The following TMEM38A variants were observed in gnomAD, a reference collection of about 807,000 sequenced individuals.
The protein encoded by TMEM38A is transmembrane protein 38A.
TMEM38A carries 17 observed loss-of-function variants against 28.6 expected under a neutral mutation model. The ratio of observed to expected loss-of-function variants is 0.60; its 90% CI spans 0.41 to 0.89. TMEM38A has a LOEUF of 0.89. Among genes scored for constraint, TMEM38A ranks in the 40% least tolerant of loss-of-function variants. The pLI is 0.00. For synonymous variants in TMEM38A, 169 were observed against 166.1 expected (o/e 1.02, Z -0.14); for missense variants, 328 against 393.1 (o/e 0.83, Z 1.40).
At position 16,663,489 on chromosome 19, in the gene TMEM38A, C is replaced by G. The variant is rs1292511243; in HGVS notation, c.124+2148C>G. On this transcript the variant is annotated intron_variant, in intron 1 of 5. Transcript: ENST00000187762. The stretch of plus-strand genomic sequence containing the variant: ...GCTGAGAAGTGGTTCCAAACCCTGG[C>G]TATTCATGAATTCATGAGACGCTCC... Among the ~76,000 whole-genome samples the G allele has an allele frequency of 1.4e-4, 21 of 151,816 alleles. No homozygotes were observed. In the South Asian group the frequency reaches 2.7e-3, roughly 20 times the overall value.
chr19:16,676,251 G>A (rs1348585255), intron 1 of TMEM38A, among the ~76,000 whole-genome samples: 3 of 133,526 alleles, frequency 2.2e-5, no homozygotes, highest in African/African-American at 7.9e-5. Context: ...AGCTACTAGG[G>A]AGGCTGAGGC....
chr19:16,687,289 A>G (rs1337228168), intron 5 of TMEM38A, among the ~76,000 whole-genome samples: 1 of 151,782 alleles, frequency 6.6e-6, no homozygotes, highest in Non-Finnish European at 1.5e-5. Context: ...CTAAGATCGC[A>G]CCACCGCACT....
At chr19:16,671,112 T>C (rs1278408405) in intron 1 of TMEM38A, among the ~76,000 whole-genome samples, 3 of 150,732 alleles carry the variant, frequency 2.0e-5, no homozygotes, top group Admixed American at 2.0e-4. Flanking sequence ...GTTCATGGCA[T>C]GCGGCAGTTG....
intron 1 of TMEM38A, among the ~76,000 whole-genome samples, chr19:16,674,319 C>T (rs901388420): frequency 3.8e-5 from 5 of 130,036 alleles, no homozygotes; most frequent in African/African-American, 1.5e-4. Flanking sequence ...TAGGAGGAGG[C>T]GGAGATTGCA....
At chr19:16,666,427 T>TA (rs202230894) in intron 1 of TMEM38A, among the ~76,000 whole-genome samples, 51 of 151,812 alleles carry the variant, frequency 3.4e-4, no homozygotes, top group Non-Finnish European at 6.9e-4. Context: ...AATTTAACTT[T>TA]AAAAAAATTT....
At chr19:16,673,173 C>G (rs2086735039) in intron 1 of TMEM38A, among the ~76,000 whole-genome samples, 1 of 152,204 alleles carries the variant, frequency 6.6e-6, no homozygotes, top group South Asian at 2.1e-4. Context: ...CCTCCACCTC[C>G]CGGGTTCAAG....
At chr19:16,678,766 C>CAAAA (rs61142232) in intron 1 of TMEM38A, among the ~76,000 whole-genome samples, 2 of 48,670 alleles carry the variant, frequency 4.1e-5, no homozygotes, top group African/African-American at 6.7e-5. Context: ...ACCCTGTGTC[C>CAAAA]AAAAAAAAAA....
chr19:16,666,287 T>C (rs1383050847), intron 1 of TMEM38A, among the ~76,000 whole-genome samples: 2 of 151,768 alleles, frequency 1.3e-5, no homozygotes, highest in Non-Finnish European at 2.9e-5. Context: ...CCCATTTTTT[T>C]TGTATTTTTA....
chr19:16,688,423 G>A lies in TMEM38A; in HGVS notation c.*52G>A. The A allele has an allele frequency of 7.2e-7, 1 of 1,386,812 alleles. No individual in the cohort carries two copies. The highest frequency in any genetic ancestry group is 9.5e-7 in the Non-Finnish European group (1 of 1,053,276). The allele number at this position is 1,386,812 out of a possible 1,614,324, so 85.9% of individuals were successfully genotyped here. A position where few individuals can be genotyped will look rare whatever the true frequency, so the allele number is the denominator to read the frequency against. The stretch of plus-strand genomic sequence containing the variant: ...AGGACCCGGACCCAGGACCCTCTGA[G>A]CTGGGAGGCTTCCTGCGCTCAGATC... On this transcript the variant is annotated 3_prime_UTR_variant, in exon 6 of 6. Transcript: ENST00000187762.
rs2086682199 is a variant in TMEM38A at position 16,661,805 on chromosome 19, C to T, written c.124+464C>T. On this transcript the variant is annotated intron_variant, in intron 1 of 5. Transcript: ENST00000187762. The surrounding 1 kb of genome is among the most constrained non-coding windows in gnomAD (Gnocchi z 6.5). ...CTGCGCTGGGGGCTGCGGTCAGGTT[C>T]AGCGAAAGTGACACCGGTTCTCCTC... Among the ~76,000 whole-genome samples, 1 of 152,048 alleles carries T rather than the reference C, an allele frequency of 6.6e-6. No individual in the cohort carries two copies. The highest frequency in any genetic ancestry group is 1.5e-5 in the Non-Finnish European group (1 of 68,002).
chr19:16,673,935 A>G lies in TMEM38A; in HGVS notation c.125-6049A>G, dbSNP rs945745054. On this transcript the variant is annotated intron_variant, in intron 1 of 5. Coordinates refer to ENST00000187762, the MANE Select transcript of TMEM38A (RefSeq NM_024074.4). The stretch of plus-strand genomic sequence containing the variant: ...AGATCCTATCTTTACAAAAAAAGAA[A>G]AAAAAAAAAGTATAAAAATTGGCCA... 1.3e-4 allele frequency among the ~76,000 whole-genome samples: 19 copies of G among 151,792 alleles called. 1 individual carries two copies. Among genetic ancestry groups the G allele is most frequent in the African/African-American group, 4.6e-4 (19 of 41,244 alleles).
At chr19:16,665,637 C>A (rs2086699725) in intron 1 of TMEM38A, among the ~76,000 whole-genome samples, 1 of 152,168 alleles carries the variant, frequency 6.6e-6, no homozygotes, top group Non-Finnish European at 1.5e-5. Flanking sequence ...AAGAGAACCC[C>A]AGACTCCCTT....
chr19:16,686,498 T>A, intron 5 of TMEM38A, 93 bp downstream of exon 5: 4 of 1,024,050 alleles, frequency 3.9e-6, no homozygotes, highest in Non-Finnish European at 6.0e-6. Context: ...ACTCCCAGCC[T>A]TATGTGGCTG....
rs931514004 is a variant in TMEM38A, at chr19:16,661,681, G to T, written c.124+340G>T. Among the ~76,000 whole-genome samples, 1 of 152,084 alleles carries T rather than the reference G, an allele frequency of 6.6e-6. No individual in the cohort carries two copies. Among genetic ancestry groups the T allele is most frequent in the Non-Finnish European group, 1.5e-5 (1 of 67,994 alleles). ...CGCCGGCTGTGGCGAGGGTGCAGGT[G>T]GGGGTCGGTGCATCTGTTCTGGCCG... is the stretch of plus-strand genomic sequence containing the variant. On this transcript the variant is annotated intron_variant, in intron 1 of 5. Transcript: ENST00000187762. The surrounding 1 kb of genome is among the most constrained non-coding windows in gnomAD (Gnocchi z 6.5).
chr19:16,688,314 G>A lies in TMEM38A; in HGVS notation c.843G>A (p.Lys281=). The A allele has an allele frequency of 6.2e-7, 1 of 1,609,594 alleles. No homozygotes were observed. ...PGAQHSAMPA[K]SKEELSEGSR... ...CTCAGCATTCGGCCATGCCCGCCAA[G>A]TCCAAGGAGGAGTTGAGCGAGGGCT... The change falls in exon 6 of 6, where the codon AAG becomes AAA. Residue 281 remains lysine, a synonymous_variant. Coordinates refer to ENST00000187762, the MANE Select transcript of TMEM38A (RefSeq NM_024074.4).
intron 1 of TMEM38A, among the ~76,000 whole-genome samples, chr19:16,667,011 G>A (rs1306484832): frequency 2.0e-5 from 3 of 150,612 alleles, no homozygotes; most frequent in African/African-American, 4.9e-5. Flanking sequence ...GCTCACACTT[G>A]TAATCCTAAC....
In TMEM38A at chr19:16,688,338, C is replaced by A; in HGVS notation, c.867C>A (p.Gly289=). ...AGTCCAAGGAGGAGTTGAGCGAGGG[C>A]TCCAGGAAGAAGAAGGCCAAGAAGG... is the stretch of plus-strand genomic sequence containing the variant. ...PAKSKEELSE[G]SRKKKAKKAD is the part of the protein sequence containing the mutation. The change falls in exon 6 of 6, where the codon GGC becomes GGA. Residue 289 remains glycine, a synonymous_variant. Coordinates refer to ENST00000187762, the MANE Select transcript of TMEM38A (RefSeq NM_024074.4). The A allele has an allele frequency of 1.2e-6, 2 of 1,603,072 alleles. No individual in the cohort carries two copies. The highest frequency in any genetic ancestry group is 1.7e-6 in the Non-Finnish European group (2 of 1,175,352).
chr19:16,676,636 T>C (rs2122588632), intron 1 of TMEM38A, among the ~76,000 whole-genome samples: 1 of 151,958 alleles, frequency 6.6e-6, no homozygotes, highest in Non-Finnish European at 1.5e-5. Flanking sequence ...ATTACGAAGA[T>C]ACAACATAAG....
At chr19:16,663,299 A>G (rs1017627801) in intron 1 of TMEM38A, among the ~76,000 whole-genome samples, 17 of 151,426 alleles carry the variant, frequency 1.1e-4, no homozygotes, top group Middle Eastern at 6.8e-3. Flanking sequence ...AAAAAATCTG[A>G]AACTGAGGAG....
Sources: allele counts gnomAD v4.1 joint callset (sites outside exome capture counted in the v4.1 genomes callset), GRCh38; gene constraint gnomAD v4.1.1; non-coding constraint Gnocchi (gnomAD v3.1); transcripts MANE v1.5; gene names NCBI Gene and HGNC (gene_info 2026-07-23, HGNC 2026-07-21).